CACHD1: variants seen among roughly 807,000 people sequenced by gnomAD.
The protein encoded by CACHD1 is cache domain containing 1.
CACHD1 carries 71 observed loss-of-function variants against 138.7 expected under a neutral mutation model. That is an observed-to-expected ratio of 0.51 (90% CI 0.42 to 0.62). CACHD1 has a LOEUF of 0.62. Ranked by LOEUF, CACHD1 falls within the 20% of genes least tolerant of loss-of-function variation. The pLI is 0.00. For synonymous variants in CACHD1, 578 were observed against 591.5 expected (o/e 0.98, Z 0.33); for missense variants, 1,389 against 1,625.3 (o/e 0.85, Z 2.50).
intron 2 of CACHD1, among the ~76,000 whole-genome samples, chr1:64,565,219 C>T (rs533101067): frequency 5.7e-4 from 86 of 152,022 alleles, no homozygotes; most frequent in African/African-American, 2.0e-3. Flanking sequence ...TTTCCCTCAT[C>T]TGTACCCAGG....
intron 4 of CACHD1, among the ~76,000 whole-genome samples, chr1:64,626,028 G>C (rs957566643): frequency 6.6e-6 from 1 of 152,198 alleles, no homozygotes; most frequent in African/African-American, 2.4e-5. Flanking sequence ...TTGGCTCTGG[G>C]CATAAGTTTC....
At chr1:64,677,713 A>G (rs1270980154) in intron 22 of CACHD1, among the ~76,000 whole-genome samples, 1 of 152,212 alleles carries the variant, frequency 6.6e-6, no homozygotes, top group Admixed American at 6.5e-5. Context: ...AATGCATGTA[A>G]TACACTAAAG....
chr1:64,625,793 G>A (rs532536738), intron 4 of CACHD1, among the ~76,000 whole-genome samples: 3 of 152,194 alleles, frequency 2.0e-5, no homozygotes, highest in East Asian at 3.9e-4. Context: ...TTTTTAAAGT[G>A]TTCCTAAATG....
chr1:64,691,562 C>T lies in CACHD1; in HGVS notation c.*1C>T, dbSNP rs1168455454. 1.2e-6 allele frequency: 2 copies of T among 1,610,650 alleles called. No homozygotes were observed. The highest frequency in any genetic ancestry group is 1.3e-5 in the African/African-American group (1 of 74,938). ...ACACACTGTCGATGCAGAATGCTAA[C>T]AATCTCCTCACCTCCACGCCAAGAT... On this transcript the variant is annotated 3_prime_UTR_variant, in exon 27 of 27. Coordinates refer to ENST00000651257, the MANE Select transcript of CACHD1 (RefSeq NM_020925.4).
intron 4 of CACHD1, among the ~76,000 whole-genome samples, chr1:64,610,595 G>T (rs1557518338): frequency 6.6e-6 from 1 of 152,188 alleles, no homozygotes; most frequent in Non-Finnish European, 1.5e-5. Flanking sequence ...ACATCCAGGG[G>T]TATGCTGATA....
chr1:64,477,614 TA>T lies in CACHD1; in HGVS notation c.198+6673del, dbSNP rs1160003958. 9.2e-4 allele frequency among the ~76,000 whole-genome samples: 132 copies of T among 143,254 alleles called. 3 individuals are homozygous for T. In the East Asian group the frequency reaches 0.024, roughly 26 times the overall value. 94.0% of individuals were successfully genotyped at this position (143,254 alleles called of 152,430 possible). ...TTATTATTATTATTATTATTATTATTATTATTATTATTTTATTTTATTTTTT... is the reference window on the plus strand; with the variant it reads ...TTATTATTATTATTATTATTATTATTTTATTATTATTTTATTTTATTTTTT... On this transcript the variant is annotated intron_variant, in intron 1 of 26. Coordinates refer to ENST00000651257, the MANE Select transcript of CACHD1 (RefSeq NM_020925.4).
chr1:64,597,172 C>T (rs1456990312), intron 3 of CACHD1, among the ~76,000 whole-genome samples: 1 of 152,060 alleles, frequency 6.6e-6, no homozygotes, highest in African/African-American at 2.4e-5. Flanking sequence ...CACTGTGAAT[C>T]GAGGCTGAAT....
At chr1:64,551,414 G>T (rs1376301438) in intron 2 of CACHD1, among the ~76,000 whole-genome samples, 1 of 151,872 alleles carries the variant, frequency 6.6e-6, no homozygotes, top group Non-Finnish European at 1.5e-5. Context: ...AATAGGAGTT[G>T]GTTTTAATTT....
chr1:64,674,395 T>TAAG (rs1482431756), intron 19 of CACHD1, among the ~76,000 whole-genome samples: 1 of 152,178 alleles, frequency 6.6e-6, no homozygotes, highest in African/African-American at 2.4e-5. Context: ...CTGTGTATCT[T>TAAG]CTATTATTTA....
At chr1:64,665,863 G>A (rs145323428) in intron 15 of CACHD1, among the ~76,000 whole-genome samples, 194 bp from the exon 16 acceptor site, 1 of 152,236 alleles carries the variant, frequency 6.6e-6, no homozygotes, top group Non-Finnish European at 1.5e-5. Flanking sequence ...AATTAGCTAG[G>A]CATGATGGCG....
At chr1:64,616,932 A>C (rs1260707602) in intron 4 of CACHD1, among the ~76,000 whole-genome samples, 2 of 152,180 alleles carry the variant, frequency 1.3e-5, no homozygotes, top group Admixed American at 6.5e-5. Context: ...AGCTGAGACA[A>C]GGGGAAAGAT....
intron 1 of CACHD1, among the ~76,000 whole-genome samples, chr1:64,524,028 CAA>C (rs36111293): frequency 6.9e-6 from 1 of 145,726 alleles, no homozygotes; most frequent in African/African-American, 2.5e-5. Context: ...AAAATCTGTA[CAA>C]AAAAAAAAGA....
At chr1:64,660,703 G>A (rs1241375660) in intron 13 of CACHD1, among the ~76,000 whole-genome samples, 1 of 151,860 alleles carries the variant, frequency 6.6e-6, no homozygotes. Flanking sequence ...GCTAATTTTT[G>A]TATTTTTAGT....
intron 1 of CACHD1, among the ~76,000 whole-genome samples, chr1:64,497,574 A>G (rs570691236): frequency 1.3e-5 from 2 of 152,224 alleles, no homozygotes; most frequent in East Asian, 3.9e-4. Context: ...GAAAAAAAAT[A>G]CCCCAGAGAG....
chr1:64,537,631 G>A (rs1387169519), intron 1 of CACHD1, among the ~76,000 whole-genome samples: 2 of 152,176 alleles, frequency 1.3e-5, no homozygotes, highest in Admixed American at 1.3e-4. Context: ...GAAGGCTTCA[G>A]AAATGCTGAT....
intron 1 of CACHD1, among the ~76,000 whole-genome samples, chr1:64,531,886 G>A (rs1288103027): frequency 6.6e-5 from 10 of 152,224 alleles, no homozygotes; most frequent in Non-Finnish European, 5.9e-5. Context: ...TCTGTAGGAC[G>A]TATTAGAAGG....
chr1:64,544,951 A>G (rs1015755710), intron 1 of CACHD1, among the ~76,000 whole-genome samples: 2 of 152,136 alleles, frequency 1.3e-5, no homozygotes, highest in Admixed American at 6.5e-5. Flanking sequence ...TGAGGGAGCA[A>G]TTAAAATGTA....
chr1:64,487,148 G>A (rs909461057), intron 1 of CACHD1, among the ~76,000 whole-genome samples: 2 of 152,174 alleles, frequency 1.3e-5, no homozygotes, highest in Non-Finnish European at 2.9e-5. Flanking sequence ...TGGCTGAAAT[G>A]GGAAGCCACT....
At chr1:64,617,166 A>C (rs199503146) in intron 4 of CACHD1, among the ~76,000 whole-genome samples, 82 of 150,546 alleles carry the variant, frequency 5.4e-4, no homozygotes, top group African/African-American at 1.9e-3. Context: ...CAAAACAAAA[A>C]AAAAAACCAG....
Sources: gnomAD v4.1 joint callset for allele counts (sites outside exome capture counted in the v4.1 genomes callset) on GRCh38, gnomAD v4.1.1 for gene constraint, MANE v1.5 for transcripts, NCBI Gene and HGNC (gene_info 2026-07-23, HGNC 2026-07-21) for gene names.